Variants in PJA2 observed in about 807,000 individuals in gnomAD.
The protein encoded by PJA2 is E3 ubiquitin-protein ligase Praja-2.
PJA2 carries 25 observed loss-of-function variants against 69.3 expected under a neutral mutation model. The observed-to-expected ratio is 0.36, with a 90% CI of 0.26 to 0.50. PJA2 has a LOEUF of 0.50. Ranked by LOEUF, PJA2 falls within the 20% of genes least tolerant of loss-of-function variation. The pLI is 0.96. For missense variants in PJA2, 809 were observed against 830.2 expected, an observed-to-expected ratio of 0.97 and a Z score of 0.31; for synonymous variants, 308 against 277.8, an observed-to-expected ratio of 1.11 and a Z score of -1.08.
chr5:109,351,084 C>CA (rs374303044), intron 7 of PJA2, among the ~76,000 whole-genome samples: 93 of 137,134 alleles, frequency 6.8e-4, no homozygotes, highest in African/African-American at 2.1e-3. Context: ...GACTAAGTAA[C>CA]AAATCTTTTG....
chr5:109,382,646 G>A (rs12657190), intron 2 of PJA2, among the ~76,000 whole-genome samples: 2 of 151,664 alleles, frequency 1.3e-5, no homozygotes, highest in South Asian at 2.1e-4. Context: ...CCAGGAGTTC[G>A]AGATCAGCCT....
At chr5:109,343,038 G>T (rs1257248803) in intron 9 of PJA2, among the ~76,000 whole-genome samples, 3 of 104,772 alleles carry the variant, frequency 2.9e-5, no homozygotes, top group Non-Finnish European at 4.0e-5. Context: ...GGGCCAGGAT[G>T]ACAATGGCGG....
chr5:109,400,471 C>G (rs1747513903), intron 1 of PJA2, among the ~76,000 whole-genome samples: 1 of 112,192 alleles, frequency 8.9e-6, no homozygotes, highest in Admixed American at 1.4e-4. Flanking sequence ...AAAAAGAGAG[C>G]AAACCAGCAG....
At chr5:109,354,732 TTA>T (rs1250394795) in intron 7 of PJA2, among the ~76,000 whole-genome samples, 2 of 138,622 alleles carry the variant, frequency 1.4e-5, no homozygotes, top group African/African-American at 2.5e-5. Flanking sequence ...ATATTATATA[TTA>T]GAGAGAGGTA....
chr5:109,356,055 A>T (rs753254449), intron 6 of PJA2, 29 bp from the exon 7 acceptor site: 1 of 1,449,802 alleles, frequency 6.9e-7, no homozygotes, highest in South Asian at 1.1e-5. Flanking sequence ...AACAGAAAAA[A>T]CTCACCACTA....
intron 1 of PJA2, among the ~76,000 whole-genome samples, chr5:109,404,348 C>G (rs1365012235): frequency 6.6e-6 from 1 of 151,764 alleles, no homozygotes; most frequent in Non-Finnish European, 1.5e-5. Flanking sequence ...TGGTAAAACC[C>G]CGTCTCTACT....
chr5:109,353,666 T>C (rs1374824565), intron 7 of PJA2, among the ~76,000 whole-genome samples: 1 of 147,010 alleles, frequency 6.8e-6, no homozygotes, highest in Non-Finnish European at 1.5e-5. Context: ...ACCTATTATA[T>C]CTACAGACAT....
chr5:109,400,288 C>CAA (rs552298335), intron 1 of PJA2, among the ~76,000 whole-genome samples: 2 of 111,266 alleles, frequency 1.8e-5, no homozygotes, highest in African/African-American at 6.6e-5. Context: ...GAGACTGTCT[C>CAA]AAAAAAAAAA....
At chr5:109,366,196 T>C (rs1368865672) in intron 5 of PJA2, among the ~76,000 whole-genome samples, 3 of 152,148 alleles carry the variant, frequency 2.0e-5, no homozygotes, top group African/African-American at 7.2e-5. Context: ...ACACACATCA[T>C]GGTAATACAA....
At chr5:109,370,476 T>C (rs1279989333) in intron 4 of PJA2, among the ~76,000 whole-genome samples, 1 of 152,178 alleles carries the variant, frequency 6.6e-6, no homozygotes, top group Non-Finnish European at 1.5e-5. Flanking sequence ...TAAAATCAAC[T>C]GCCAATTTCC....
At chr5:109,404,150 TA>T (rs1289768124) in intron 1 of PJA2, among the ~76,000 whole-genome samples, 1 of 151,980 alleles carries the variant, frequency 6.6e-6, no homozygotes, top group Non-Finnish European at 1.5e-5. Context: ...CTCAATATGA[TA>T]AAAGGCCACT....
chr5:109,370,032 C>CA (rs1168528650), intron 4 of PJA2, among the ~76,000 whole-genome samples: 1,606 of 47,292 alleles, frequency 0.034, 35 homozygotes, highest in East Asian at 0.088. Flanking sequence ...AACTCCCTCT[C>CA]AAAAAAAAAA....
chr5:109,339,314 G>A lies in PJA2; in HGVS notation c.2002-1958C>T, dbSNP rs370498383. On this transcript the variant is annotated intron_variant, in intron 9 of 9. Coordinates refer to ENST00000361189, the MANE Select transcript of PJA2 (RefSeq NM_014819.5). ...TGAGGGGATAGGAAGAGGCGAAGAT[G>A]ATGAGAAATTAGTTAATGGGTATAA... Among the ~76,000 whole-genome samples, 5 of 152,326 alleles carry A rather than the reference G, an allele frequency of 3.3e-5. No individual in the cohort carries two copies. In the East Asian group the frequency reaches 7.7e-4, roughly 23 times the overall value.
chr5:109,376,366 T>C (rs1034868441), intron 4 of PJA2, among the ~76,000 whole-genome samples: 1 of 151,044 alleles, frequency 6.6e-6, no homozygotes, highest in African/African-American at 2.4e-5. Flanking sequence ...CTTATAACTA[T>C]GAAAAGTCCA....
chr5:109,360,316 A>C (rs1009312798), intron 6 of PJA2, among the ~76,000 whole-genome samples: 4 of 152,198 alleles, frequency 2.6e-5, no homozygotes, highest in African/African-American at 9.6e-5. Context: ...TACCACACCA[A>C]GCTATCAGGT....
chr5:109,344,168 T>TC, intron 9 of PJA2, 22 bp downstream of exon 9: 1 of 1,058,784 alleles, frequency 9.4e-7, no homozygotes, highest in Non-Finnish European at 1.3e-6. Flanking sequence ...ATTTTTAAAT[T>TC]TTTAATTATT....
At chr5:109,342,018 G>A (rs1397004598) in intron 9 of PJA2, among the ~76,000 whole-genome samples, 47 of 131,760 alleles carry the variant, frequency 3.6e-4, no homozygotes, top group African/African-American at 1.2e-3. Flanking sequence ...TCGGCCCCCC[G>A]CCGGGCCAGC....
chr5:109,370,383 C>G (rs1030857367), intron 4 of PJA2, among the ~76,000 whole-genome samples: 2 of 152,156 alleles, frequency 1.3e-5, no homozygotes, highest in African/African-American at 4.8e-5. Context: ...CCTTTATTAA[C>G]AGATGCACTC....
intron 7 of PJA2, among the ~76,000 whole-genome samples, chr5:109,345,758 T>A (rs563476005): frequency 1.6e-4 from 25 of 152,330 alleles, no homozygotes; most frequent in African/African-American, 5.8e-4. Flanking sequence ...ACTACTGGCA[T>A]GGATTTGGCG....
Sources: allele counts gnomAD v4.1 joint callset (sites outside exome capture counted in the v4.1 genomes callset), GRCh38; gene constraint gnomAD v4.1.1; transcripts MANE v1.5; gene names NCBI Gene and HGNC (gene_info 2026-07-23, HGNC 2026-07-21).